GRIN2D: variants seen among roughly 807,000 people sequenced by gnomAD.
GRIN2D encodes glutamate receptor ionotropic, NMDA 2D.
GRIN2D carries 37 observed loss-of-function variants against 103.2 expected under a neutral mutation model. The ratio of observed to expected loss-of-function variants is 0.36; its 90% CI spans 0.28 to 0.47. The LOEUF is 0.47. Among genes scored for constraint, GRIN2D ranks in the 20% least tolerant of loss-of-function variants. The probability of loss-of-function intolerance (pLI) is 1.00; values close to 1 mark genes in which losing one functional copy is unlikely to be tolerated. For synonymous variants in GRIN2D, 845 were observed against 885.6 expected, an observed-to-expected ratio of 0.95 and a Z score of 0.81; for missense variants, 1,557 against 1,910.6, an observed-to-expected ratio of 0.81 and a Z score of 3.45.
At chr19:48,415,342 GC>G (rs1275420526) in intron 7 of GRIN2D, among the ~76,000 whole-genome samples, 1 of 151,970 alleles carries the variant, frequency 6.6e-6, no homozygotes, top group Non-Finnish European at 1.5e-5. Context: ...CTGCACTCCA[GC>G]CTGGGCACAG....
intron 3 of GRIN2D, among the ~76,000 whole-genome samples, chr19:48,402,484 G>A (rs922153087): frequency 5.3e-5 from 8 of 152,110 alleles, no homozygotes; most frequent in Middle Eastern, 3.4e-3. Context: ...TTGGGAGGCC[G>A]AGGCGGGTGG....
At chr19:48,399,587 G>A (rs1970684600) in intron 3 of GRIN2D, among the ~76,000 whole-genome samples, 1 of 152,130 alleles carries the variant, frequency 6.6e-6, no homozygotes, top group South Asian at 2.1e-4. Context: ...GAAAAGGAAT[G>A]GAGTTCAGAA....
intron 4 of GRIN2D, among the ~76,000 whole-genome samples, chr19:48,408,158 C>A (rs1970813994): frequency 1.3e-5 from 2 of 151,926 alleles, no homozygotes; most frequent in South Asian, 4.2e-4. Context: ...CAGGGTGAAA[C>A]CCTGTCTCTA....
At chr19:48,420,463 T>C (rs1365062050) in intron 10 of GRIN2D, among the ~76,000 whole-genome samples, 1 of 152,026 alleles carries the variant, frequency 6.6e-6, no homozygotes, top group Non-Finnish European at 1.5e-5. Context: ...TTGCAGACAA[T>C]GCTTTTGTAA....
chr19:48,441,778 C>G lies in GRIN2D; in HGVS notation c.2262C>G (p.Asp754Glu). The G allele has an allele frequency of 6.2e-7, 1 of 1,609,870 alleles. No individual in the cohort carries two copies. Among genetic ancestry groups the G allele is most frequent in the Non-Finnish European group, 8.5e-7 (1 of 1,177,062 alleles). The change falls in exon 12 of 14, where the codon GAC becomes GAG. Residue 754 changes from aspartate (D) to glutamate (E), a missense_variant. Physicochemically the swap from Asp to Glu is conservative, Grantham distance 45. This residue lies in a region of GRIN2D where 138 missense variants were observed against 270.2 expected (regional missense o/e 0.51). Coordinates refer to ENST00000263269, the MANE Select transcript of GRIN2D (RefSeq NM_000836.4). ...TTCCCCCTCCCCCCAGGAAGCTGGA[C>G]GCCTTCATCTACGATGCTGCAGTGC... ...ALTQLKAGKL[D>E]AFIYDAAVLN...
chr19:48,402,544 C>T (rs1171079396), intron 3 of GRIN2D, among the ~76,000 whole-genome samples: 4 of 151,194 alleles, frequency 2.6e-5, no homozygotes, highest in African/African-American at 9.7e-5. Context: ...GGTGAAACCC[C>T]GTCTCTACTA....
At chr19:48,426,564 T>A (rs190397350) in intron 11 of GRIN2D, among the ~76,000 whole-genome samples, 12 of 151,754 alleles carry the variant, frequency 7.9e-5, no homozygotes, top group African/African-American at 2.9e-4. Context: ...TTGCCTCTTT[T>A]TTTTTTATTT....
Position 48,421,379 on chromosome 19 carries a change from C to T in GRIN2D, c.2092-406C>T, listed in dbSNP as rs963314236. On this transcript the variant is annotated intron_variant, in intron 10 of 13. Transcript: ENST00000263269. The surrounding 1 kb of genome is among the most constrained non-coding windows in gnomAD (Gnocchi z 4.8). ...GGAGGCGGAGGTTGCAGTGAGCTGACAGTGTGCCATTGCACTCCAGCCTGG... is the reference window on the plus strand; with the variant it reads ...GGAGGCGGAGGTTGCAGTGAGCTGATAGTGTGCCATTGCACTCCAGCCTGG... Among the ~76,000 whole-genome samples, 4 of 151,440 alleles carry T rather than the reference C, an allele frequency of 2.6e-5. No individual in the cohort carries two copies. Among genetic ancestry groups the T allele is most frequent in the African/African-American group, 9.7e-5 (4 of 41,092 alleles).
At position 48,413,661 on chromosome 19, in the gene GRIN2D, CAAAAAAAAA is replaced by C. The variant is rs11368422; in HGVS notation, c.1086-317_1086-309del. Among the ~76,000 whole-genome samples, 470 of 57,308 alleles carry C rather than the reference CAAAAAAAAA, an allele frequency of 8.2e-3. 6 individuals are homozygous for C. Among genetic ancestry groups the C allele is most frequent in the African/African-American group, 0.029 (432 of 14,958 alleles). The allele number at this position is 57,308 out of a possible 152,430, so 37.6% of individuals were successfully genotyped here. A position where few individuals can be genotyped will look rare whatever the true frequency, so the allele number is the denominator to read the frequency against. On this transcript the variant is annotated intron_variant, in intron 4 of 13. Transcript: ENST00000263269. ...TGGGAGACAGAGCAAGACTCTGTCT[CAAAAAAAAA>C]AAAAAAAAAAAAGACCAGCCTGGGA...
chr19:48,438,681 G>A (rs896168820), intron 11 of GRIN2D, among the ~76,000 whole-genome samples: 5 of 152,084 alleles, frequency 3.3e-5, no homozygotes, highest in East Asian at 1.9e-4. Flanking sequence ...TGATCCGCCC[G>A]CCTCAGCCTC....
At chr19:48,428,546 A>G in intron 11 of GRIN2D, among the ~76,000 whole-genome samples, 1 of 151,940 alleles carries the variant, frequency 6.6e-6, no homozygotes, top group Non-Finnish European at 1.5e-5. Context: ...TATTTTTAGT[A>G]GAGACGGAGT....
At chr19:48,440,770 T>G (rs954801436) in intron 11 of GRIN2D, among the ~76,000 whole-genome samples, 4 of 152,140 alleles carry the variant, frequency 2.6e-5, no homozygotes, top group Non-Finnish European at 5.9e-5. Flanking sequence ...CACAGCAACC[T>G]CTGCCTCCCA....
In GRIN2D at chr19:48,405,112, G is replaced by A. The variant is rs775352797; in HGVS notation, c.844G>A (p.Gly282Ser). ...CATGGTGGGGCCCCAGCTGGCTGGA[G>A]GCGGGGGCTCTGGGGCCCCTGGTGA... is the stretch of plus-strand genomic sequence containing the variant. ...WFMVGPQLAG[G>S]GGSGAPGEPP... Residue 282 changes from glycine to serine, a missense_variant, in exon 4 of 14, where the codon GGC becomes AGC. Around this residue, in one of 7 missense-constraint regions of GRIN2D, gnomAD observed 490 missense variants for 601.1 expected, o/e 0.82. Coordinates refer to ENST00000263269, the MANE Select transcript of GRIN2D (RefSeq NM_000836.4). This position sits in a 1 kb window ranked among gnomAD's most constrained non-coding sequence, Gnocchi z 5.1. 6.3e-7 allele frequency: 1 copy of A among 1,587,434 alleles called. No individual in the cohort carries two copies. Among genetic ancestry groups the A allele is most frequent in the Non-Finnish European group, 8.6e-7 (1 of 1,167,054 alleles).
Position 48,398,689 on chromosome 19 carries a change from C to A in GRIN2D, c.297C>A (p.Leu99=). The change falls in exon 3 of 14, where the codon CTC becomes CTA. Residue 99 remains leucine, a synonymous_variant. Transcript: ENST00000263269. ...TCAACGGCTCGGACCCGCGCAGCCT[C>A]GTGCTGCAGCTCTGCGACCTGCTGT... is the stretch of plus-strand genomic sequence containing the variant. ...LVLNGSDPRS[L]VLQLCDLLSG... is the part of the protein sequence containing the mutation. The A allele has an allele frequency of 3.4e-6, 5 of 1,462,364 alleles. No individual in the cohort carries two copies. The highest frequency in any genetic ancestry group is 3.0e-5 in the East Asian group (1 of 32,932). 90.6% of individuals were successfully genotyped at this position (1,462,364 alleles called of 1,614,324 possible). A position where few individuals can be genotyped will look rare whatever the true frequency, so the allele number is the denominator to read the frequency against.
chr19:48,406,958 C>A (rs1970799930), intron 4 of GRIN2D, among the ~76,000 whole-genome samples: 1 of 150,760 alleles, frequency 6.6e-6, no homozygotes, highest in South Asian at 2.1e-4. Flanking sequence ...TTCTTTTTTT[C>A]TTTTTCTTTC....
Position 48,398,506 on chromosome 19 carries a change from C to G in GRIN2D, c.114C>G (p.Ala38=). 1 of 1,010,922 alleles carries G rather than the reference C, an allele frequency of 9.9e-7. No individual in the cohort carries two copies. Among genetic ancestry groups the G allele is most frequent in the Non-Finnish European group, 1.2e-6 (1 of 848,540 alleles). 62.6% of individuals were successfully genotyped at this position (1,010,922 alleles called of 1,614,324 possible). A position where few individuals can be genotyped will look rare whatever the true frequency, so the allele number is the denominator to read the frequency against. Residue 38 remains alanine (A), a synonymous_variant, in exon 3 of 14, where the codon GCC becomes GCG. Transcript: ENST00000263269. The stretch of plus-strand genomic sequence containing the variant: ...AGGAGGCGCCGGGGCCGGGCGGGGC[C>G]GGTGGGCCCGGCGGCGGCCTCGGCG... ...FPEEAPGPGG[A]GGPGGGLGGA...
intron 2 of GRIN2D, among the ~76,000 whole-genome samples, chr19:48,395,752 G>A (rs1970632102): frequency 6.6e-6 from 1 of 152,108 alleles, no homozygotes; most frequent in Non-Finnish European, 1.5e-5. Flanking sequence ...GGGCACCCAG[G>A]ATGTTGGGAA....
chr19:48,419,861 G>A, intron 10 of GRIN2D, 47 bp downstream of exon 10: 1 of 1,090,070 alleles, frequency 9.2e-7, no homozygotes, highest in Non-Finnish European at 1.3e-6. Flanking sequence ...TGGGGCTGGA[G>A]GTCACAGAGC....
In GRIN2D at chr19:48,442,087, CA is replaced by C; in HGVS notation, c.2441-62del. 6.6e-7 allele frequency: 1 copy of C among 1,516,888 alleles called. No homozygotes were observed. The highest frequency in any genetic ancestry group is 9.1e-7 in the Non-Finnish European group (1 of 1,097,612). The allele number at this position is 1,516,888 out of a possible 1,614,324, so 94.0% of individuals were successfully genotyped here. On this transcript the variant is annotated intron_variant, in intron 12 of 13. Coordinates refer to ENST00000263269, the MANE Select transcript of GRIN2D (RefSeq NM_000836.4). This position sits in a 1 kb window ranked among gnomAD's most constrained non-coding sequence, Gnocchi z 7.2. The stretch of plus-strand genomic sequence containing the variant: ...AAGGGGCTAAGGGCCTACATTCCCA[CA>C]TCACAGACAAGGGTCCTCAGAGGGT...
Sources: gnomAD v4.1 joint callset for allele counts (sites outside exome capture counted in the v4.1 genomes callset) on GRCh38, gnomAD v4.1.1 for gene constraint, gnomAD v4.1.1 regional missense constraint, Gnocchi (gnomAD v3.1) non-coding constraint, MANE v1.5 for transcripts, NCBI Gene and HGNC (gene_info 2026-07-23, HGNC 2026-07-21) for gene names.